ZBTB16: variants seen among roughly 807,000 people sequenced by gnomAD.
ZBTB16 encodes zinc finger and BTB domain containing 16.
Under a neutral mutation model 56.8 loss-of-function variants are expected in ZBTB16, and 8 were observed. The observed-to-expected ratio is 0.14, with a 90% CI of 0.08 to 0.25. The LOEUF is 0.25. ZBTB16 is among the 10% of genes least tolerant of loss of function. The pLI, the probability that ZBTB16 is intolerant of heterozygous loss-of-function variation, is 1.00. For missense variants in ZBTB16, 625 were observed against 903.0 expected, an observed-to-expected ratio of 0.69 and a Z score of 3.95; for synonymous variants, 363 against 368.5, an observed-to-expected ratio of 0.98 and a Z score of 0.17.
chr11:114,233,318 A>C (rs1244409079), intron 4 of ZBTB16, among the ~76,000 whole-genome samples: 1 of 151,752 alleles, frequency 6.6e-6, no homozygotes, highest in Non-Finnish European at 1.5e-5. Flanking sequence ...TACTTCCCGG[A>C]ATGTGGTTTT....
At chr11:114,236,656 C>T (rs1944597605) in intron 4 of ZBTB16, among the ~76,000 whole-genome samples, 1 of 152,152 alleles carries the variant, frequency 6.6e-6, no homozygotes, top group Admixed American at 6.5e-5. Flanking sequence ...TCATCCCTAG[C>T]CCTCTGTCTG....
intron 2 of ZBTB16, among the ~76,000 whole-genome samples, chr11:114,073,937 A>G (rs112312351): frequency 0.038 from 5,748 of 152,254 alleles, 375 homozygotes; most frequent in African/African-American, 0.13. Context: ...TTAGTGGGAG[A>G]TGGGGTGGCA....
intron 2 of ZBTB16, among the ~76,000 whole-genome samples, chr11:114,071,413 C>A (rs898603857): frequency 6.6e-6 from 1 of 152,124 alleles, no homozygotes; most frequent in Admixed American, 6.5e-5. Context: ...AATTTGCCAT[C>A]ACTATTGGAT....
At chr11:114,075,627 T>G (rs1210012078) in intron 2 of ZBTB16, among the ~76,000 whole-genome samples, 1 of 67,116 alleles carries the variant, frequency 1.5e-5, no homozygotes, top group Non-Finnish European at 2.9e-5. Context: ...TGGCTAATTT[T>G]TGTATATATA....
At chr11:114,139,192 C>G (rs868647995) in intron 2 of ZBTB16, among the ~76,000 whole-genome samples, 17 of 152,204 alleles carry the variant, frequency 1.1e-4, no homozygotes, top group African/African-American at 4.1e-4. Context: ...ATGGAGACCA[C>G]ACTTCTGAAG....
intron 2 of ZBTB16, among the ~76,000 whole-genome samples, chr11:114,097,511 C>T (rs1591662703): frequency 6.6e-6 from 1 of 152,204 alleles, no homozygotes; most frequent in East Asian, 1.9e-4. Context: ...AATTGCAATA[C>T]TTGGCATTTG....
chr11:114,127,093 C>A (rs775733485), intron 2 of ZBTB16, among the ~76,000 whole-genome samples: 1 of 152,108 alleles, frequency 6.6e-6, no homozygotes, highest in South Asian at 2.1e-4. Context: ...TTCCCCCTTG[C>A]CCCCCAACTC....
At chr11:114,209,512 A>G (rs1214221027) in intron 4 of ZBTB16, 25 of 985,216 alleles carry the variant, frequency 2.5e-5, no homozygotes, top group Non-Finnish European at 2.8e-5. Flanking sequence ...CCAGAAAGCC[A>G]TTGTGCTCCC....
intron 2 of ZBTB16, among the ~76,000 whole-genome samples, chr11:114,100,525 T>A (rs1309763252): frequency 6.6e-6 from 1 of 152,194 alleles, no homozygotes; most frequent in Non-Finnish European, 1.5e-5. Flanking sequence ...TTCATCTAAT[T>A]TTTGTAGCCC....
chr11:114,147,764 ACC>A (rs1942147116), intron 2 of ZBTB16, among the ~76,000 whole-genome samples: 3 of 152,236 alleles, frequency 2.0e-5, no homozygotes, highest in Non-Finnish European at 4.4e-5. Flanking sequence ...TGGCTGTAAT[ACC>A]TTGCTTACAT....
At chr11:114,248,823 G>A (rs1229244729) in intron 6 of ZBTB16, among the ~76,000 whole-genome samples, 2 of 152,226 alleles carry the variant, frequency 1.3e-5, no homozygotes, top group Non-Finnish European at 2.9e-5. Flanking sequence ...CCCTTGTCAG[G>A]GATGTGACCT....
intron 2 of ZBTB16, among the ~76,000 whole-genome samples, chr11:114,076,323 C>T (rs904932284): frequency 3.3e-5 from 5 of 152,126 alleles, no homozygotes; most frequent in East Asian, 1.9e-4. Flanking sequence ...GCGAGTCGGG[C>T]GGCTGGATCT....
intron 2 of ZBTB16, among the ~76,000 whole-genome samples, chr11:114,124,539 C>CAAAACAAAAAAA (rs1941436535): frequency 1.9e-5 from 1 of 52,596 alleles, no homozygotes. Flanking sequence ...GAGGCAAAAA[C>CAAAACAAAAAAA]AAAACAAAAA....
At chr11:114,078,188 A>G (rs1410138880) in intron 2 of ZBTB16, among the ~76,000 whole-genome samples, 2 of 152,226 alleles carry the variant, frequency 1.3e-5, no homozygotes, top group Non-Finnish European at 2.9e-5. Context: ...CTCCTCCTTC[A>G]TGTGGACATG....
At position 114,252,141 on chromosome 11, in the gene ZBTB16, G is replaced by T. The variant is rs1944928791; in HGVS notation, c.*1586G>T. Among the ~76,000 whole-genome samples the T allele has an allele frequency of 6.6e-6, 1 of 152,008 alleles. No individual in the cohort carries two copies. The highest frequency in any genetic ancestry group is 2.1e-4 in the South Asian group (1 of 4,812). On this transcript the variant is annotated 3_prime_UTR_variant, in exon 7 of 7. Coordinates refer to ENST00000335953, the MANE Select transcript of ZBTB16 (RefSeq NM_006006.6). ...GGGTGGGGAGGGGATGTTGCTTTGG[G>T]GTCTCATGGTCCCCAGAGGGCACTA...
At chr11:114,122,596 G>A (rs567799189) in intron 2 of ZBTB16, among the ~76,000 whole-genome samples, 3 of 152,240 alleles carry the variant, frequency 2.0e-5, no homozygotes, top group African/African-American at 2.4e-5. Flanking sequence ...GCAAGTGAGC[G>A]GAACTAAGAA....
At chr11:114,233,815 G>C (rs956318549) in intron 4 of ZBTB16, among the ~76,000 whole-genome samples, 1 of 152,188 alleles carries the variant, frequency 6.6e-6, no homozygotes, top group South Asian at 2.1e-4. Flanking sequence ...TTTGTTTACT[G>C]TAGCTGGAGG....
At position 114,240,835 on chromosome 11, in the gene ZBTB16, T is replaced by C. The variant is rs185506802; in HGVS notation, c.1454-1332T>C. On this transcript the variant is annotated intron_variant, in intron 4 of 6. Transcript: ENST00000335953. ...GTTAGAATTAAATGAAAATCTCACA[T>C]CACTCGCTAGCTTTCAATCCTTTGA... Among the ~76,000 whole-genome samples the C allele has an allele frequency of 3.2e-3, 491 of 152,328 alleles. 2 individuals are homozygous for C. The highest frequency in any genetic ancestry group is 0.01 in the African/African-American group (431 of 41,570).
intron 2 of ZBTB16, among the ~76,000 whole-genome samples, chr11:114,145,826 A>G (rs1942082941): frequency 6.6e-6 from 1 of 152,232 alleles, no homozygotes; most frequent in African/African-American, 2.4e-5. Context: ...GCTATTTAGA[A>G]AAGTGTACTG....
Sources: allele counts gnomAD v4.1 joint callset (sites outside exome capture counted in the v4.1 genomes callset), GRCh38; gene constraint gnomAD v4.1.1; transcripts MANE v1.5; gene names NCBI Gene and HGNC (gene_info 2026-07-23, HGNC 2026-07-21).